The following HCRTR2 variants were observed in gnomAD, a reference collection of about 807,000 sequenced individuals.
HCRTR2 encodes the protein orexin receptor type 2.
In HCRTR2, 22 loss-of-function variants were observed where a neutral mutation model predicts 49.0. The observed-to-expected ratio is 0.45, with a 90% CI of 0.32 to 0.64. HCRTR2 has a LOEUF of 0.64. Among genes scored for constraint, HCRTR2 ranks in the 30% least tolerant of loss-of-function variants. The pLI is 0.04. For synonymous variants in HCRTR2, 236 were observed against 205.3 expected (o/e 1.15, Z -1.28); for missense variants, 491 against 559.4 (o/e 0.88, Z 1.23).
At chr6:55,187,682 C>CTTT (rs5876430) in intron 1 of HCRTR2, among the ~76,000 whole-genome samples, 1,050 of 102,172 alleles carry the variant, frequency 0.01, 34 homozygotes, top group African/African-American at 0.027. Context: ...ATTATTTGAT[C>CTTT]TTTTTTTTTT....
chr6:55,150,066 T>G (rs1764643266), intron 1 of HCRTR2, among the ~76,000 whole-genome samples: 1 of 152,116 alleles, frequency 6.6e-6, no homozygotes, highest in Admixed American at 6.6e-5. Context: ...GTTTCCAGGA[T>G]GCAGTCCTGA....
rs1766467335 is a variant in HCRTR2 at position 55,247,421 on chromosome 6, T to A, written c.224-1218T>A. ...CAGCTTATGAAACTATTAATAAATG[T>A]TACATAATTGTCCAAAGAAATCCTC... On this transcript the variant is annotated intron_variant, in intron 1 of 6. Coordinates refer to ENST00000370862, the MANE Select transcript of HCRTR2 (RefSeq NM_001384272.1). Among the ~76,000 whole-genome samples the A allele has an allele frequency of 2.0e-5, 3 of 152,154 alleles. No individual in the cohort carries two copies. In the South Asian group the frequency reaches 6.2e-4, roughly 32 times the overall value.
chr6:55,230,541 A>G (rs568372878), intron 1 of HCRTR2, among the ~76,000 whole-genome samples: 1 of 152,334 alleles, frequency 6.6e-6, no homozygotes, highest in East Asian at 1.9e-4. Context: ...GAAAGAATAC[A>G]TCAAGACATT....
At chr6:55,227,963 G>C in intron 1 of HCRTR2, among the ~76,000 whole-genome samples, 1 of 152,260 alleles carries the variant, frequency 6.6e-6, no homozygotes, top group Non-Finnish European at 1.5e-5. Context: ...GATTATCCAA[G>C]CACTGGTTAT....
At chr6:55,218,472 G>T (rs1314734644) in intron 1 of HCRTR2, among the ~76,000 whole-genome samples, 2 of 152,144 alleles carry the variant, frequency 1.3e-5, no homozygotes, top group African/African-American at 2.4e-5. Context: ...TTAGCTGACT[G>T]GATTTAAAAA....
At chr6:55,109,066 A>T (rs1053629776) in intron 1 of HCRTR2, among the ~76,000 whole-genome samples, 12 of 152,242 alleles carry the variant, frequency 7.9e-5, no homozygotes, top group African/African-American at 2.9e-4. Flanking sequence ...GATTGATCAT[A>T]TCACAGGACT....
At chr6:55,180,877 G>T (rs1485706391) in intron 1 of HCRTR2, among the ~76,000 whole-genome samples, 1 of 151,166 alleles carries the variant, frequency 6.6e-6, no homozygotes, top group East Asian at 1.9e-4. Context: ...TCGTCTCACT[G>T]CTGCCTCCAC....
intron 1 of HCRTR2, among the ~76,000 whole-genome samples, chr6:55,230,043 T>G (rs957928682): frequency 3.9e-5 from 6 of 152,174 alleles, no homozygotes; most frequent in Admixed American, 3.9e-4. Flanking sequence ...TCAAAATGGC[T>G]GTACCTGGAG....
chr6:55,175,651 A>G (rs747041797), intron 1 of HCRTR2, among the ~76,000 whole-genome samples: 8 of 152,062 alleles, frequency 5.3e-5, no homozygotes, highest in Non-Finnish European at 1.2e-4. Context: ...CTAGGTCTGT[A>G]TGCAAACACG....
chr6:55,203,383 T>G (rs1765544867), intron 1 of HCRTR2, among the ~76,000 whole-genome samples: 2 of 152,164 alleles, frequency 1.3e-5, no homozygotes, highest in South Asian at 4.1e-4. Context: ...GCTTTCTATC[T>G]TTTTTATACT....
chr6:55,255,144 G>A lies in HCRTR2; in HGVS notation c.411G>A (p.Ser137=), dbSNP rs201231914. 5.6e-6 allele frequency: 9 copies of A among 1,613,536 alleles called. No homozygotes were observed. Among genetic ancestry groups the A allele is most frequent in the African/African-American group, 1.3e-5 (1 of 74,822 alleles). Residue 137 remains serine (S), a synonymous_variant, in exon 3 of 7, where the codon TCG becomes TCA. Transcript: ENST00000370862. Reference sequence around the variant, plus strand: ...ATCTTTCTTTTCTCTAGACCGTGTCGGTGTCTGTGTCTGTCCTCACACTGA... The same window carrying A: ...ATCTTTCTTTTCTCTAGACCGTGTCAGTGTCTGTGTCTGTCCTCACACTGA... The part of the protein sequence containing the change: ...CKVIPYLQTV[S]VSVSVLTLSC...
chr6:55,119,540 G>A (rs563976756), intron 1 of HCRTR2, among the ~76,000 whole-genome samples: 9 of 151,904 alleles, frequency 5.9e-5, no homozygotes, highest in African/African-American at 2.2e-4. Flanking sequence ...AAGTGATAAT[G>A]AGCATTTTTT....
chr6:55,228,239 G>T (rs1465346100), intron 1 of HCRTR2, among the ~76,000 whole-genome samples: 1 of 152,136 alleles, frequency 6.6e-6, no homozygotes, highest in Non-Finnish European at 1.5e-5. Context: ...TTATGTGTAA[G>T]AGTTGAATGA....
intron 1 of HCRTR2, among the ~76,000 whole-genome samples, chr6:55,201,902 C>T (rs185598946): frequency 2.5e-4 from 38 of 152,194 alleles, no homozygotes; most frequent in Admixed American, 5.9e-4. Context: ...ATTTAATATA[C>T]GATTGCTGCT....
intron 1 of HCRTR2, among the ~76,000 whole-genome samples, chr6:55,151,520 T>C (rs1029321096): frequency 1.8e-4 from 28 of 152,012 alleles, no homozygotes; most frequent in Non-Finnish European, 3.7e-4. Flanking sequence ...CAGGCTCCAC[T>C]TCTAATTCTA....
intron 1 of HCRTR2, among the ~76,000 whole-genome samples, chr6:55,203,460 G>A (rs1465935526): frequency 6.6e-6 from 1 of 152,158 alleles, no homozygotes; most frequent in Non-Finnish European, 1.5e-5. Context: ...AACAAATCCT[G>A]TCTTCCTGGA....
chr6:55,245,469 T>TTATATATA (rs745939954), intron 1 of HCRTR2, among the ~76,000 whole-genome samples: 678 of 56,612 alleles, frequency 0.012, 4 homozygotes, highest in Admixed American at 0.035. Flanking sequence ...TAGGAAGATT[T>TTATATATA]TATATATATA....
intron 1 of HCRTR2, among the ~76,000 whole-genome samples, chr6:55,137,328 C>T (rs1431308768): frequency 6.6e-6 from 1 of 152,194 alleles, no homozygotes; most frequent in Admixed American, 6.6e-5. Context: ...TCCTTACACT[C>T]TGAAAACAGT....
chr6:55,147,651 T>C (rs982641093), intron 1 of HCRTR2, among the ~76,000 whole-genome samples: 3 of 152,200 alleles, frequency 2.0e-5, no homozygotes, highest in Non-Finnish European at 4.4e-5. Flanking sequence ...CTTTCTATAA[T>C]TCATTTTGAT....
Sources: gnomAD v4.1 joint callset for allele counts (sites outside exome capture counted in the v4.1 genomes callset) on GRCh38, gnomAD v4.1.1 for gene constraint, MANE v1.5 for transcripts, NCBI Gene and HGNC (gene_info 2026-07-23, HGNC 2026-07-21) for gene names.